CD72: variants seen among roughly 807,000 people sequenced by gnomAD.
The protein encoded by CD72 is B-cell differentiation antigen CD72.
A neutral mutation model predicts 50.7 loss-of-function variants in CD72; 28 were observed. The observed-to-expected ratio is 0.55, with a 90% confidence interval of 0.41 to 0.76. CD72 has a LOEUF of 0.76. Ranked by LOEUF, CD72 falls within the 30% of genes least tolerant of loss-of-function variation. CD72 has a pLI of 0.00. For synonymous variants in CD72, 176 were observed against 171.2 expected (o/e 1.03, Z -0.22); for missense variants, 403 against 420.6 (o/e 0.96, Z 0.37).
In CD72 at chr9:35,612,940, A is replaced by C. The variant is rs1368213544; in HGVS notation, c.742T>G (p.Ser248Ala). 1 of 1,613,832 alleles carries C rather than the reference A, an allele frequency of 6.2e-7. No homozygotes were observed. The highest frequency in any genetic ancestry group is 8.5e-7 in the Non-Finnish European group (1 of 1,179,858). The change falls in exon 6 of 9, where the codon TCA becomes GCA. Residue 248 changes from serine (S) to alanine (A), a missense_variant. Physicochemically the swap from Ser to Ala is moderately conservative, Grantham distance 99 (BLOSUM62 1). Transcript: ENST00000259633. ...TCCTGCCAATTTTTTGAAGTAAGTG[A>C]GATGTAAAAGCAGCTTTTCTGATGC... ...IMHQKSCFYISLTSKNWQESQ... is the reference protein window; with the variant it reads ...IMHQKSCFYIALTSKNWQESQ...
upstream of CD72, among the ~76,000 whole-genome samples, chr9:35,623,768 T>C (rs900381956): frequency 4.6e-5 from 7 of 152,070 alleles, no homozygotes; most frequent in Admixed American, 1.3e-4. Flanking sequence ...AATACAAAAT[T>C]AGCTGGGCAT....
intron 1 of CD72, among the ~76,000 whole-genome samples, chr9:35,640,624 G>T (rs1490939846): frequency 6.6e-6 from 1 of 152,270 alleles, no homozygotes; most frequent in Non-Finnish European, 1.5e-5. Context: ...CAGACACCCT[G>T]CCGGATCTGG....
intron 1 of CD72, among the ~76,000 whole-genome samples, chr9:35,625,144 A>G (rs552784592): frequency 1.3e-5 from 2 of 152,392 alleles, no homozygotes; most frequent in Admixed American, 6.5e-5. Flanking sequence ...AAGCCAAGAT[A>G]GGCCAAAAGC....
intron 3 of CD72, 78 bp from the exon 4 acceptor site, chr9:35,616,767 G>C (rs926742694): frequency 7.8e-7 from 1 of 1,279,110 alleles, no homozygotes; most frequent in African/African-American, 1.5e-5. Context: ...GTCCGTGGGG[G>C]AGACCCCTGG....
upstream of CD72, chr9:35,618,443 A>G: frequency 2.6e-6 from 4 of 1,529,124 alleles, no homozygotes; most frequent in Non-Finnish European, 3.5e-6. Context: ...TGTGACTTCC[A>G]GTCACAAAAG....
intron 5 of CD72, among the ~76,000 whole-genome samples, chr9:35,613,874 G>T (rs943738760): frequency 9.2e-5 from 14 of 152,202 alleles, no homozygotes; most frequent in Admixed American, 2.6e-4. Flanking sequence ...GCACCATGGC[G>T]CATGCCTATA....
At chr9:35,642,053 G>T (rs1408093343) in intron 1 of CD72, among the ~76,000 whole-genome samples, 1 of 152,148 alleles carries the variant, frequency 6.6e-6, no homozygotes, top group African/African-American at 2.4e-5. Context: ...GGAGTGAGGG[G>T]ATTACTTTCA....
In CD72 at chr9:35,610,591, C is replaced by T. The variant is rs1587898874; in HGVS notation, c.*22+11G>A. 2 of 1,607,100 alleles carry T rather than the reference C, an allele frequency of 1.2e-6. No homozygotes were observed. The highest frequency in any genetic ancestry group is 1.1e-5 in the South Asian group (1 of 90,318). On this transcript the variant is annotated intron_variant, in intron 8 of 8. Transcript: ENST00000259633. ...GACTCCCCATGCCTCAGCCCCATCC[C>T]TCACTCTTACCAACTCAGTGCAAAG...
chr9:35,610,881 T>G, intron 7 of CD72, 128 bp from the exon 8 acceptor site: 1 of 656,396 alleles, frequency 1.5e-6, no homozygotes, highest in South Asian at 1.9e-5. Flanking sequence ...CTGGGCATGG[T>G]TCAGGACAGA....
At chr9:35,641,575 G>A (rs1179624212) in intron 1 of CD72, among the ~76,000 whole-genome samples, 1 of 152,064 alleles carries the variant, frequency 6.6e-6, no homozygotes, top group African/African-American at 2.4e-5. Flanking sequence ...TCCTTCTTCG[G>A]TGGCTAGCCA....
At chr9:35,635,411 C>G (rs1823280850) in intron 1 of CD72, among the ~76,000 whole-genome samples, 1 of 152,146 alleles carries the variant, frequency 6.6e-6, no homozygotes, top group Non-Finnish European at 1.5e-5. Flanking sequence ...GATTTTGAGA[C>G]TTTTTTTCTA....
At chr9:35,622,391 C>A (rs1823152954), upstream of CD72, among the ~76,000 whole-genome samples, 1 of 152,172 alleles carries the variant, frequency 6.6e-6, no homozygotes, top group Admixed American at 6.5e-5. Flanking sequence ...GTTCTCTGTG[C>A]TTAATGGCAC....
At chr9:35,639,485 C>T (rs796743130) in intron 1 of CD72, among the ~76,000 whole-genome samples, 1 of 151,992 alleles carries the variant, frequency 6.6e-6, no homozygotes, top group South Asian at 2.1e-4. Flanking sequence ...TAGAAACTGC[C>T]AGAAAGAAGC....
At chr9:35,624,620 G>A (rs2131776969) in intron 1 of CD72, among the ~76,000 whole-genome samples, 1 of 152,220 alleles carries the variant, frequency 6.6e-6, no homozygotes, top group Admixed American at 6.5e-5. Context: ...GGAATGTCCA[G>A]GCACACCTCA....
chr9:35,615,868 G>T (rs1282991858), intron 5 of CD72, 75 bp downstream of exon 5: 2 of 1,207,834 alleles, frequency 1.7e-6, no homozygotes, highest in Admixed American at 3.6e-5. Flanking sequence ...AGGCCCCTGG[G>T]TGATAGACTC....
chr9:35,611,670 CAG>C, intron 7 of CD72, 132 bp downstream of exon 7: 1 of 592,860 alleles, frequency 1.7e-6, no homozygotes, highest in Non-Finnish European at 3.0e-6. Context: ...ATAGAGGAAA[CAG>C]ACAAATAGGC....
chr9:35,616,569 G>T lies in CD72; in HGVS notation c.352+31C>A, dbSNP rs755992399. 9 of 1,558,834 alleles carry T rather than the reference G, an allele frequency of 5.8e-6. No homozygotes were observed. The South Asian group carries it at 1.0e-4, about 17-fold the overall frequency. On this transcript the variant is annotated intron_variant, in intron 4 of 8. Coordinates refer to ENST00000259633, the MANE Select transcript of CD72 (RefSeq NM_001782.3). ...AGAGTCGGGACGAAAGTCGTTCGGT[G>T]TAAGTGGGAAGTAGGGACAGCCTTA... is the stretch of plus-strand genomic sequence containing the variant.
chr9:35,642,586 C>T (rs1347189330), intron 1 of CD72: 2 of 152,186 alleles, frequency 1.3e-5, no homozygotes, highest in Non-Finnish European at 2.9e-5. Context: ...CCTGTTTCTT[C>T]TGTGACATAT....
At position 35,617,308 on chromosome 9, in the gene CD72, G is replaced by C. The variant is rs796073091; in HGVS notation, c.191-61C>G. On this transcript the variant is annotated intron_variant, in intron 2 of 8. Coordinates refer to ENST00000259633, the MANE Select transcript of CD72 (RefSeq NM_001782.3). The stretch of plus-strand genomic sequence containing the variant: ...CCCGAGTGTTGCCCCTTCTCCTCCT[G>C]CGCACCCGCTTCGCCCTCGCCACTG... 5 of 1,490,244 alleles carry C rather than the reference G, an allele frequency of 3.4e-6. 1 individual carries two copies. In the African/African-American group the frequency reaches 7.0e-5, roughly 21 times the overall value. The allele number at this position is 1,490,244 out of a possible 1,614,324, so 92.3% of individuals were successfully genotyped here.
Sources: allele counts gnomAD v4.1 joint callset (sites outside exome capture counted in the v4.1 genomes callset), GRCh38; gene constraint gnomAD v4.1.1; transcripts MANE v1.5; gene names NCBI Gene and HGNC (gene_info 2026-07-23, HGNC 2026-07-21).